Variants in ZNF236 observed in about 807,000 individuals in gnomAD.
ZNF236 encodes the protein zinc finger protein 236.
In ZNF236, 50 loss-of-function variants were observed where a neutral mutation model predicts 191.2. The ratio of observed to expected loss-of-function variants is 0.26; its 90% confidence interval spans 0.21 to 0.33. ZNF236 has a LOEUF of 0.33. Ranked by LOEUF, ZNF236 falls within the 10% of genes least tolerant of loss-of-function variation. The pLI is 1.00. For synonymous variants in ZNF236, 907 were observed against 928.8 expected (o/e 0.98, Z 0.43); for missense variants, 1,754 against 2,374.5 (o/e 0.74, Z 5.43).
chr18:76,962,494 G>A (rs766903360), intron 30 of ZNF236, among the ~76,000 whole-genome samples: 2 of 152,158 alleles, frequency 1.3e-5, no homozygotes, highest in African/African-American at 2.4e-5. Context: ...GTAATGTGAT[G>A]CCTCCAGATT....
At chr18:76,921,343 G>A (rs1599395819) in intron 20 of ZNF236, among the ~76,000 whole-genome samples, 2 of 152,192 alleles carry the variant, frequency 1.3e-5, no homozygotes, top group African/African-American at 2.4e-5. Context: ...GTGAAGTTCC[G>A]GGGTAGGATC....
intron 3 of ZNF236, among the ~76,000 whole-genome samples, chr18:76,862,324 A>G (rs186337886): frequency 1.3e-5 from 2 of 152,224 alleles, no homozygotes; most frequent in Admixed American, 1.3e-4. Flanking sequence ...TTTTTATGGT[A>G]TTTACTCAAT....
chr18:76,899,675 A>G (rs1225793903), intron 11 of ZNF236, among the ~76,000 whole-genome samples: 1 of 152,124 alleles, frequency 6.6e-6, no homozygotes. Context: ...TTTTCTTTTT[A>G]GGTTCAGTGT....
At chr18:76,857,994 T>C (rs1459489285) in intron 3 of ZNF236, among the ~76,000 whole-genome samples, 1 of 152,200 alleles carries the variant, frequency 6.6e-6, no homozygotes, top group Non-Finnish European at 1.5e-5. Context: ...AAGATTCTAA[T>C]GATATTGTGT....
chr18:76,911,424 A>G lies in ZNF236; in HGVS notation c.2805+613A>G, dbSNP rs1967215146. Among the ~76,000 whole-genome samples the G allele has an allele frequency of 2.0e-5, 3 of 152,236 alleles. No homozygotes were observed. In the South Asian group the frequency reaches 6.2e-4, roughly 31 times the overall value. ...CATTTTTCTCATAGGTAGAAACTACATAATTGGCAGCAGATGCTGAATCTG... is the reference window on the plus strand; with the variant it reads ...CATTTTTCTCATAGGTAGAAACTACGTAATTGGCAGCAGATGCTGAATCTG... On this transcript the variant is annotated intron_variant, in intron 16 of 30. Transcript: ENST00000320610.
chr18:76,962,746 G>A (rs772406748), intron 30 of ZNF236, among the ~76,000 whole-genome samples: 9 of 152,088 alleles, frequency 5.9e-5, no homozygotes, highest in Non-Finnish European at 1.0e-4. Flanking sequence ...GCAGTGTTTT[G>A]TAGTTTTCCT....
At chr18:76,847,400 A>G (rs555991275) in intron 1 of ZNF236, among the ~76,000 whole-genome samples, 1 of 152,226 alleles carries the variant, frequency 6.6e-6, no homozygotes, top group South Asian at 2.1e-4. Context: ...CATACTACAC[A>G]GTTTTCCAAG....
At chr18:76,935,696 G>A (rs572307451) in intron 25 of ZNF236, among the ~76,000 whole-genome samples, 8 of 152,214 alleles carry the variant, frequency 5.3e-5, no homozygotes, top group Admixed American at 4.6e-4. Flanking sequence ...AGTCTCTATG[G>A]TTTTGACCAC....
chr18:76,847,051 CCA>C (rs1216471515), intron 1 of ZNF236, among the ~76,000 whole-genome samples: 4 of 152,250 alleles, frequency 2.6e-5, no homozygotes, highest in African/African-American at 9.6e-5. Flanking sequence ...CCCTGGGCTC[CCA>C]GAGTGTTGGA....
At chr18:76,823,850 C>T (rs1974939612) in intron 1 of ZNF236, among the ~76,000 whole-genome samples, 1 of 152,188 alleles carries the variant, frequency 6.6e-6, no homozygotes, top group South Asian at 2.1e-4. Flanking sequence ...CGCTTTTTCT[C>T]GCGGGCGCCG....
intron 10 of ZNF236, among the ~76,000 whole-genome samples, chr18:76,897,672 A>G (rs1977472940): frequency 6.6e-6 from 1 of 152,164 alleles, no homozygotes; most frequent in African/African-American, 2.4e-5. Context: ...TACCAAACAC[A>G]GTACTGCACA....
rs181537209 is a variant in ZNF236 at position 76,971,645 on chromosome 18, G to A, written c.*3306G>A. Among the ~76,000 whole-genome samples, 114 of 152,348 alleles carry A rather than the reference G, an allele frequency of 7.5e-4. No homozygotes were observed. The highest frequency in any genetic ancestry group is 2.5e-3 in the African/African-American group (104 of 41,580). ...AGCTACACAATTTTTAGAAGTAGAA[G>A]TGGATTTCTTGTCTTGCTGTGGGTT... On this transcript the variant is annotated 3_prime_UTR_variant, in exon 31 of 31. Transcript: ENST00000320610.
intron 1 of ZNF236, among the ~76,000 whole-genome samples, chr18:76,838,575 C>A (rs1274082090): frequency 2.6e-5 from 4 of 152,118 alleles, no homozygotes; most frequent in Non-Finnish European, 4.4e-5. Context: ...GGTTGTACGG[C>A]CTCTGTCGTG....
At chr18:76,859,514 C>T (rs538244363) in intron 3 of ZNF236, among the ~76,000 whole-genome samples, 7 of 152,098 alleles carry the variant, frequency 4.6e-5, no homozygotes, top group Non-Finnish European at 8.8e-5. Flanking sequence ...TACTGCACAG[C>T]GTCTGTATCC....
intron 26 of ZNF236, among the ~76,000 whole-genome samples, chr18:76,945,591 G>A (rs1476583128): frequency 2.0e-5 from 3 of 152,212 alleles, no homozygotes; most frequent in Non-Finnish European, 4.4e-5. Flanking sequence ...TTCCAGACTA[G>A]CCTGGCGAAC....
chr18:76,956,080 G>T lies in ZNF236; in HGVS notation c.5010G>T (p.Ser1670=). ...TGGAGTGTGACCGCGCCTTCTCATC[G>T]GCGGCGGTGCTCATGCACCACAGCA... The part of the protein sequence containing the change: ...QCLECDRAFS[S]AAVLMHHSKE... The change falls in exon 28 of 31, where the codon TCG becomes TCT. Residue 1670 remains serine, a synonymous_variant. Transcript: ENST00000320610. 1 of 1,597,562 alleles carries T rather than the reference G, an allele frequency of 6.3e-7. No individual in the cohort carries two copies. The highest frequency in any genetic ancestry group is 8.5e-7 in the Non-Finnish European group (1 of 1,173,198).
intron 6 of ZNF236, 137 bp from the exon 7 acceptor site, chr18:76,877,872 G>T: frequency 1.6e-6 from 1 of 617,862 alleles, no homozygotes. Context: ...TAATTTAAAA[G>T]AAAAAAGGTA....
At chr18:76,928,885 T>C (rs914508033) in intron 25 of ZNF236, among the ~76,000 whole-genome samples, 3 of 151,918 alleles carry the variant, frequency 2.0e-5, no homozygotes, top group Non-Finnish European at 4.4e-5. Context: ...GATATTATTC[T>C]AGTAACTTCC....
chr18:76,919,872 A>G lies in ZNF236; in HGVS notation c.3371A>G (p.Gln1124Arg), dbSNP rs1426997126. 1.9e-6 allele frequency: 3 copies of G among 1,614,240 alleles called. No individual in the cohort carries two copies. Among genetic ancestry groups the G allele is most frequent in the Non-Finnish European group, 1.7e-6 (2 of 1,180,054 alleles). ...VITFTEEETA[Q>R]LAKIRPQESA... ...ACTTTCACGGAGGAGGAGACAGCCC[A>G]GTTAGCCAAGATCCGGCCGCAGGAG... is the stretch of plus-strand genomic sequence containing the variant. The change falls in exon 20 of 31, where the codon CAG becomes CGG. Residue 1124 changes from glutamine (Q) to arginine (R), a missense_variant. Physicochemically the swap from Gln to Arg is conservative, Grantham distance 43. Transcript: ENST00000320610. This position sits in a 1 kb window ranked among gnomAD's most constrained non-coding sequence, Gnocchi z 5.3.
Sources: allele counts gnomAD v4.1 joint callset (sites outside exome capture counted in the v4.1 genomes callset), GRCh38; gene constraint gnomAD v4.1.1; non-coding constraint Gnocchi (gnomAD v3.1); transcripts MANE v1.5; gene names NCBI Gene and HGNC (gene_info 2026-07-23, HGNC 2026-07-21).